Variants in LRFN3 observed in about 807,000 individuals in gnomAD.
The protein encoded by LRFN3 is leucine rich repeat and fibronectin type III domain containing 3, also known as leucine-rich repeat and fibronectin type-III domain-containing protein 3.
LRFN3 carries 8 observed loss-of-function variants against 23.8 expected under a neutral mutation model. The observed-to-expected ratio is 0.34, with a 90% CI of 0.20 to 0.61. The LOEUF is 0.61. Ranked by LOEUF, LRFN3 falls within the 20% of genes least tolerant of loss-of-function variation. The pLI is 0.80. For missense variants in LRFN3, 736 were observed against 935.3 expected, an observed-to-expected ratio of 0.79 and a Z score of 2.78; for synonymous variants, 451 against 450.6, an observed-to-expected ratio of 1.00 and a Z score of -0.01.
At chr19:35,942,159 G>A (rs1372821870) in intron 2 of LRFN3, among the ~76,000 whole-genome samples, 1 of 152,204 alleles carries the variant, frequency 6.6e-6, no homozygotes, top group Non-Finnish European at 1.5e-5. Flanking sequence ...TAGGATTACA[G>A]GCCTGAGCCA....
Position 35,939,555 on chromosome 19 carries a change from C to T in LRFN3, c.130C>T (p.Leu44=), listed in dbSNP as rs762471385. The T allele has an allele frequency of 6.2e-7, 1 of 1,608,506 alleles. No individual in the cohort carries two copies. Among genetic ancestry groups the T allele is most frequent in the East Asian group, 2.2e-5 (1 of 44,866 alleles). The change falls in exon 2 of 3, where the codon CTG becomes TTG. Residue 44 remains leucine, a synonymous_variant. Transcript: ENST00000246529. The surrounding 1 kb of genome is among the most constrained non-coding windows in gnomAD (Gnocchi z 6.4). ...CQTQSLPLSV[L]CPGAGLLFVP... is the part of the protein sequence containing the mutation. ...GACACAGTCGCTGCCCCTAAGCGTGCTGTGCCCAGGGGCAGGCCTCCTGTT... is the reference window on the plus strand; with the variant it reads ...GACACAGTCGCTGCCCCTAAGCGTGTTGTGCCCAGGGGCAGGCCTCCTGTT...
Position 35,939,487 on chromosome 19 carries a change from A to C in LRFN3, c.62A>C (p.Gln21Pro). 6.2e-7 allele frequency: 1 copy of C among 1,602,610 alleles called. No individual in the cohort carries two copies. The highest frequency in any genetic ancestry group is 8.5e-7 in the Non-Finnish European group (1 of 1,177,082). ...CTGGCCCCTGCCTCATCCCCACCCC[A>C]GTCAGCCACACCCAGCCCATGTCCC... The part of the protein sequence containing the change: ...LPLAPASSPP[Q>P]SATPSPCPRR... The change falls in exon 2 of 3, where the codon CAG becomes CCG. Residue 21 changes from glutamine (Q) to proline (P), a missense_variant. Gln to Pro is a moderately conservative substitution (Grantham distance 76). Transcript: ENST00000246529. The surrounding 1 kb of genome is among the most constrained non-coding windows in gnomAD (Gnocchi z 6.4).
intron 2 of LRFN3, among the ~76,000 whole-genome samples, chr19:35,942,380 G>T (rs1976131384): frequency 6.6e-6 from 1 of 152,236 alleles, no homozygotes; most frequent in Admixed American, 6.5e-5. Flanking sequence ...CAGCACATCT[G>T]CAGTGACCGC....
intron 2 of LRFN3, among the ~76,000 whole-genome samples, chr19:35,943,667 T>G: frequency 1.3e-5 from 2 of 149,572 alleles, no homozygotes; most frequent in Non-Finnish European, 3.0e-5. Context: ...GTGGGGGAAA[T>G]TGGATGGGGG....
intron 2 of LRFN3, among the ~76,000 whole-genome samples, chr19:35,942,523 C>G (rs1170100351): frequency 6.6e-6 from 1 of 152,180 alleles, no homozygotes; most frequent in East Asian, 1.9e-4. Context: ...GGGTGCAGCC[C>G]CAAGGCTGAC....
Position 35,944,593 on chromosome 19 carries a change from G to A in LRFN3, c.1461G>A (p.Ala487=). The change falls in exon 3 of 3, where the codon GCG becomes GCA. Residue 487 remains alanine, a synonymous_variant. Coordinates refer to ENST00000246529, the MANE Select transcript of LRFN3 (RefSeq NM_024509.2). The surrounding 1 kb of genome is among the most constrained non-coding windows in gnomAD (Gnocchi z 4.5). ...GCTCGTTCCTGCTGACGGACCTGGC[G>A]TCAGGCCGGACCTACGATCTGTGCG... is the stretch of plus-strand genomic sequence containing the variant. ...ESRSFLLTDL[A]SGRTYDLCVL... is the part of the protein sequence containing the mutation. 1 of 1,487,892 alleles carries A rather than the reference G, an allele frequency of 6.7e-7. No individual in the cohort carries two copies. Among genetic ancestry groups the A allele is most frequent in the East Asian group, 2.5e-5 (1 of 40,250 alleles). 92.2% of individuals were successfully genotyped at this position (1,487,892 alleles called of 1,614,324 possible).
At position 35,940,094 on chromosome 19, in the gene LRFN3, A is replaced by C. The variant is rs779776456; in HGVS notation, c.669A>C (p.Pro223=). 6.2e-7 allele frequency: 1 copy of C among 1,608,518 alleles called. No individual in the cohort carries two copies. Among genetic ancestry groups the C allele is most frequent in the African/African-American group, 1.4e-5 (1 of 73,764 alleles). Residue 223 remains proline (P), a synonymous_variant, in exon 2 of 3, where the codon CCA becomes CCC. Coordinates refer to ENST00000246529, the MANE Select transcript of LRFN3 (RefSeq NM_024509.2). Reference sequence around the variant, plus strand: ...GCCTGACCACAATCCCACCCGACCCACTCTTCTCCCGCCTGCCCCTGCTCG... The same window carrying C: ...GCCTGACCACAATCCCACCCGACCCCCTCTTCTCCCGCCTGCCCCTGCTCG... ...SNRLTTIPPD[P]LFSRLPLLAR... is the part of the protein sequence containing the mutation.
chr19:35,942,162 C>T (rs965532892), intron 2 of LRFN3, among the ~76,000 whole-genome samples: 2 of 152,140 alleles, frequency 1.3e-5, no homozygotes, highest in Non-Finnish European at 2.9e-5. Context: ...GATTACAGGC[C>T]TGAGCCACCG....
Position 35,940,816 on chromosome 19 carries a change from C to G in LRFN3, c.1391C>G (p.Ser464Trp), listed in dbSNP as rs1361251835. ...ATGTACCAGATCCAGTACAACAGCT[C>G]GGCTGATGACATCCTCGTCTACAGG... Reference protein sequence around the residue: ...IRMYQIQYNSSADDILVYRMI... With the variant: ...IRMYQIQYNSWADDILVYRMI... Residue 464 changes from serine to tryptophan, a missense_variant, in exon 2 of 3, where the codon TCG becomes TGG. This residue lies in a region of LRFN3 where 290 missense variants were observed against 287.4 expected (regional missense o/e 1.01). Transcript: ENST00000246529. The G allele has an allele frequency of 1.9e-6, 3 of 1,581,046 alleles. No individual in the cohort carries two copies. Among genetic ancestry groups the G allele is most frequent in the Non-Finnish European group, 1.7e-6 (2 of 1,157,880 alleles).
In LRFN3 at chr19:35,944,722, G is replaced by A. The variant is rs752095574; in HGVS notation, c.1590G>A (p.Pro530=). The A allele has an allele frequency of 8.1e-6, 13 of 1,604,546 alleles. No homozygotes were observed. The highest frequency in any genetic ancestry group is 6.7e-5 in the Admixed American group (4 of 59,292). The change falls in exon 3 of 3, where the codon CCG becomes CCA. Residue 530 remains proline, a synonymous_variant. Transcript: ENST00000246529. The surrounding 1 kb of genome is among the most constrained non-coding windows in gnomAD (Gnocchi z 4.5). The stretch of plus-strand genomic sequence containing the variant: ...CTGCGCTGCGGCCATGCGGGGCGCC[G>A]CACGCTCCCTTCCTGGGCGGCACGA... ...TEPALRPCGA[P]HAPFLGGTMI...
rs1172626917 is a variant in LRFN3 at position 35,940,559 on chromosome 19, T to C, written c.1134T>C (p.Ala378=). 6.2e-7 allele frequency: 1 copy of C among 1,612,746 alleles called. No individual in the cohort carries two copies. Among genetic ancestry groups the C allele is most frequent in the Non-Finnish European group, 8.5e-7 (1 of 1,179,794 alleles). Reference sequence around the variant, plus strand: ...ATGCAGCTGGCGAGGCCACAGCTGCTGTGGAGCTGACTGTGGGTCCCCCAC... The same window carrying C: ...ATGCAGCTGGCGAGGCCACAGCTGCCGTGGAGCTGACTGTGGGTCCCCCAC... ...AANAAGEATA[A]VELTVGPPPP... The change falls in exon 2 of 3, where the codon GCT becomes GCC. Residue 378 remains alanine (A), a synonymous_variant. Transcript: ENST00000246529.
At chr19:35,942,497 G>A (rs1018498413) in intron 2 of LRFN3, among the ~76,000 whole-genome samples, 1 of 152,200 alleles carries the variant, frequency 6.6e-6, no homozygotes, top group Non-Finnish European at 1.5e-5. Context: ...CTGTCCTCAC[G>A]GCCAGGCTGG....
rs1289486398 is a variant in LRFN3, at chr19:35,946,346, T to C, written c.*1327T>C. ...TATGGGACATTTTTTCTTTTTTCTT[T>C]TTTTTTTTTACAGATGGGGTCTCAC... On this transcript the variant is annotated 3_prime_UTR_variant, in exon 3 of 3. Coordinates refer to ENST00000246529, the MANE Select transcript of LRFN3 (RefSeq NM_024509.2). Among the ~76,000 whole-genome samples, 4 of 151,446 alleles carry C rather than the reference T, an allele frequency of 2.6e-5. No individual in the cohort carries two copies. Among genetic ancestry groups the C allele is most frequent in the Non-Finnish European group, 5.9e-5 (4 of 67,870 alleles).
chr19:35,941,671 C>T (rs1463581903), intron 2 of LRFN3, among the ~76,000 whole-genome samples: 1 of 151,846 alleles, frequency 6.6e-6, no homozygotes, highest in Non-Finnish European at 1.5e-5. Flanking sequence ...CGGGTTCAAG[C>T]GATTCTTGTG....
chr19:35,942,421 G>A lies in LRFN3; in HGVS notation c.1415+1581G>A, dbSNP rs570203084. Among the ~76,000 whole-genome samples, 11 of 152,296 alleles carry A rather than the reference G, an allele frequency of 7.2e-5. No individual in the cohort carries two copies. The South Asian group carries it at 2.1e-3, about 29-fold the overall frequency. On this transcript the variant is annotated intron_variant, in intron 2 of 2. Coordinates refer to ENST00000246529, the MANE Select transcript of LRFN3 (RefSeq NM_024509.2). Reference sequence around the variant, plus strand: ...GTCAGCAGTGGTGGCTGCTGACCTAGGTGCTGTTGACACCTCTTACCAAAG... The same window carrying A: ...GTCAGCAGTGGTGGCTGCTGACCTAAGTGCTGTTGACACCTCTTACCAAAG...
chr19:35,939,926 C>T lies in LRFN3; in HGVS notation c.501C>T (p.Asn167=). ...TLEDLDLSYN[N]LEQLPWEALG... is the part of the protein sequence containing the mutation. ...AGGACCTCGACCTCTCCTACAACAA[C>T]CTCGAGCAGCTGCCCTGGGAGGCCC... The change falls in exon 2 of 3, where the codon AAC becomes AAT. Residue 167 remains asparagine (N), a synonymous_variant. Transcript: ENST00000246529. The surrounding 1 kb of genome is among the most constrained non-coding windows in gnomAD (Gnocchi z 6.4). 1 of 1,605,426 alleles carries T rather than the reference C, an allele frequency of 6.2e-7. No individual in the cohort carries two copies. Among genetic ancestry groups the T allele is most frequent in the Non-Finnish European group, 8.5e-7 (1 of 1,179,808 alleles).
In LRFN3 at chr19:35,944,565, G is replaced by A; in HGVS notation, c.1433G>A (p.Ser478Asn). 1 of 1,467,570 alleles carries A rather than the reference G, an allele frequency of 6.8e-7. No homozygotes were observed. Among genetic ancestry groups the A allele is most frequent in the Non-Finnish European group, 9.0e-7 (1 of 1,114,872 alleles). 90.9% of individuals were successfully genotyped at this position (1,467,570 alleles called of 1,614,324 possible). A position where few individuals can be genotyped will look rare whatever the true frequency, so the allele number is the denominator to read the frequency against. ...ILVYRMIPAE[S>N]RSFLLTDLAS... is the part of the protein sequence containing the mutation. ...CCCTGCAGGATGATCCCGGCGGAGA[G>A]CCGCTCGTTCCTGCTGACGGACCTG... The change falls in exon 3 of 3, where the codon AGC (serine) becomes AAC (asparagine). Residue 478 changes from serine (S) to asparagine (N), a missense_variant. Physicochemically the swap from Ser to Asn is conservative, Grantham distance 46. Around this residue, in one of 2 missense-constraint regions of LRFN3, gnomAD observed 290 missense variants for 287.4 expected, o/e 1.01. Coordinates refer to ENST00000246529, the MANE Select transcript of LRFN3 (RefSeq NM_024509.2). This position sits in a 1 kb window ranked among gnomAD's most constrained non-coding sequence, Gnocchi z 4.5.
In LRFN3 at chr19:35,940,493, C is replaced by T. The variant is rs777885478; in HGVS notation, c.1068C>T (p.Thr356=). 1.7e-5 allele frequency: 27 copies of T among 1,611,114 alleles called. No individual in the cohort carries two copies. Among genetic ancestry groups the T allele is most frequent in the East Asian group, 8.9e-5 (4 of 44,850 alleles). ...FPNGTLELLV[T]EPGDGGIFTC... is the part of the protein sequence containing the mutation. ...ATGGGACGCTGGAGCTGCTGGTCAC[C>T]GAGCCGGGTGATGGTGGCATCTTCA... The change falls in exon 2 of 3, where the codon ACC becomes ACT. Residue 356 remains threonine, a synonymous_variant. Coordinates refer to ENST00000246529, the MANE Select transcript of LRFN3 (RefSeq NM_024509.2).
In LRFN3 at chr19:35,946,343, C is replaced by CTTT. The variant is rs71836568; in HGVS notation, c.*1334_*1336dup. Reference sequence around the variant, plus strand: ...CACTATGGGACATTTTTTCTTTTTTCTTTTTTTTTTTTACAGATGGGGTCT... The same window carrying CTTT: ...CACTATGGGACATTTTTTCTTTTTTCTTTTTTTTTTTTTTTACAGATGGGGTCT... On this transcript the variant is annotated 3_prime_UTR_variant, in exon 3 of 3. Transcript: ENST00000246529. 2.0e-4 allele frequency among the ~76,000 whole-genome samples: 29 copies of CTTT among 144,686 alleles called. No individual in the cohort carries two copies. Among genetic ancestry groups the CTTT allele is most frequent in the Middle Eastern group, 3.6e-3 (1 of 276 alleles). 94.9% of individuals were successfully genotyped at this position (144,686 alleles called of 152,430 possible).
Sources: gnomAD v4.1 joint callset for allele counts (sites outside exome capture counted in the v4.1 genomes callset) on GRCh38, gnomAD v4.1.1 for gene constraint, gnomAD v4.1.1 regional missense constraint, Gnocchi (gnomAD v3.1) non-coding constraint, MANE v1.5 for transcripts, NCBI Gene and HGNC (gene_info 2026-07-23, HGNC 2026-07-21) for gene names.